Variants in ANXA11 observed in about 807,000 individuals in gnomAD.
ANXA11 encodes 56 kDa autoantigen.
ANXA11 carries 57 observed loss-of-function variants against 64.7 expected under a neutral mutation model. The observed-to-expected ratio is 0.88, with a 90% CI of 0.71 to 1.10. The LOEUF (loss-of-function observed/expected upper bound fraction) is 1.10, where lower values mean the gene tolerates loss of function less well. Ranked by LOEUF, ANXA11 falls within the 50% of genes least tolerant of loss-of-function variation. The pLI, the probability that ANXA11 is intolerant of heterozygous loss-of-function variation, is 0.00. For synonymous variants in ANXA11, 260 were observed against 265.2 expected (o/e 0.98, Z 0.19); for missense variants, 675 against 670.7 (o/e 1.01, Z -0.07).
intron 1 of ANXA11, chr10:80,204,863 G>C (rs1840601205): frequency 6.6e-6 from 1 of 152,244 alleles, no homozygotes; most frequent in Non-Finnish European, 1.5e-5. Context: ...AGGAATGTGC[G>C]TGCTCCCAGT....
chr10:80,187,161 G>C (rs1846572749), intron 1 of ANXA11, among the ~76,000 whole-genome samples: 1 of 152,226 alleles, frequency 6.6e-6, no homozygotes, highest in African/African-American at 2.4e-5. Flanking sequence ...ACCTGCTATA[G>C]TTTGAATACT....
intron 1 of ANXA11, among the ~76,000 whole-genome samples, chr10:80,198,660 C>G (rs1349805044): frequency 6.6e-6 from 1 of 152,156 alleles, no homozygotes; most frequent in African/African-American, 2.4e-5. Context: ...CTAGGGACAA[C>G]AGTCCATAAG....
At chr10:80,167,427 T>C (rs1845791952) in intron 5 of ANXA11, 114 bp from the exon 6 acceptor site, 1 of 873,254 alleles carries the variant, frequency 1.1e-6, no homozygotes. Flanking sequence ...TTGGAGTATC[T>C]AAAGGAGTCC....
At chr10:80,186,571 G>A (rs940025950) in intron 1 of ANXA11, among the ~76,000 whole-genome samples, 18 of 152,150 alleles carry the variant, frequency 1.2e-4, no homozygotes, top group African/African-American at 4.1e-4. Context: ...AAAGACCCTC[G>A]GAGAGTAAAC....
At chr10:80,167,411 T>A in intron 5 of ANXA11, 98 bp from the exon 6 acceptor site, 1 of 1,091,402 alleles carries the variant, frequency 9.2e-7, no homozygotes, top group Admixed American at 1.9e-5. Flanking sequence ...GCCCTTTCTC[T>A]AAGAGTTGGA....
chr10:80,184,569 T>C (rs906766509), intron 1 of ANXA11, among the ~76,000 whole-genome samples: 2 of 151,804 alleles, frequency 1.3e-5, no homozygotes, highest in African/African-American at 4.9e-5. Flanking sequence ...TTTATATAAC[T>C]AATACGAGAG....
intron 4 of ANXA11, among the ~76,000 whole-genome samples, chr10:80,170,132 G>A (rs1171937785): frequency 3.3e-5 from 5 of 152,042 alleles, no homozygotes; most frequent in Admixed American, 3.3e-4. Context: ...ACATCACATC[G>A]TTGACTTAAG....
chr10:80,205,620 T>A (rs1432077197), upstream of ANXA11: 1 of 151,904 alleles, frequency 6.6e-6, no homozygotes, highest in East Asian at 2.0e-4. Context: ...AGATGAGGAC[T>A]GGGCACGGCG....
upstream of ANXA11, chr10:80,205,570 T>C (rs1017956868): frequency 1.3e-5 from 2 of 151,838 alleles, no homozygotes; most frequent in African/African-American, 2.4e-5. Flanking sequence ...CCAGAGGCAG[T>C]GCAAGGGAGG....
rs1246222259 is a variant in ANXA11 at position 80,168,987 on chromosome 10, G to A, written c.543C>T (p.Pro181=). The change falls in exon 5 of 16, where the codon CCC becomes CCT. Residue 181 remains proline (P), a synonymous_variant. Coordinates refer to ENST00000422982, the MANE Select transcript of ANXA11 (RefSeq NM_145868.2). ...CACTCACCTGGGTTGGGGGCACAGC[G>A]GGGGTGACAGTCCCAGACCCCGGGT... ...PGYPGSGTVT[P]AVPPTQFGSR... 1.2e-5 allele frequency: 19 copies of A among 1,535,734 alleles called. No homozygotes were observed. The highest frequency in any genetic ancestry group is 2.6e-5 in the South Asian group (2 of 76,756).
At position 80,169,207 on chromosome 10, in the gene ANXA11, GGT is replaced by G; in HGVS notation, c.321_322del (p.Pro109ArgfsTer87). ...CCTGGAGGGTGGGTTTCCTCCTGGG[GGT>G]GGATACATCCCATAGGGAGGAACAG... On this transcript the variant is annotated frameshift_variant, in exon 5 of 16. Coordinates refer to ENST00000422982, the MANE Select transcript of ANXA11 (RefSeq NM_145868.2). LOFTEE classifies it high-confidence loss of function. 1 of 1,609,918 alleles carries G rather than the reference GGT, an allele frequency of 6.2e-7. No individual in the cohort carries two copies. The highest frequency in any genetic ancestry group is 8.5e-7 in the Non-Finnish European group (1 of 1,178,552).
intron 2 of ANXA11, among the ~76,000 whole-genome samples, chr10:80,173,627 C>A (rs1846061548): frequency 1.3e-5 from 2 of 152,172 alleles, no homozygotes; most frequent in South Asian, 4.1e-4. Flanking sequence ...ATGTCCCCTG[C>A]CAGTTAAATT....
intron 1 of ANXA11, among the ~76,000 whole-genome samples, chr10:80,179,661 T>A (rs142775254): frequency 2.0e-5 from 3 of 152,156 alleles, no homozygotes. Flanking sequence ...TCCTTATCTA[T>A]AAGGAACATC....
intron 1 of ANXA11, among the ~76,000 whole-genome samples, chr10:80,186,690 G>A (rs1846553263): frequency 6.6e-6 from 1 of 151,476 alleles, no homozygotes; most frequent in African/African-American, 2.4e-5. Flanking sequence ...TGGCATGGAT[G>A]GGGCCATCTT....
At chr10:80,171,005 G>C (rs1845951971) in intron 3 of ANXA11, 90 bp from the exon 4 acceptor site, 1 of 1,518,656 alleles carries the variant, frequency 6.6e-7, no homozygotes, top group East Asian at 2.6e-5. Context: ...GGTCAGAAAG[G>C]GAGGCCCAGT....
At chr10:80,177,036 G>A (rs976299205) in intron 1 of ANXA11, among the ~76,000 whole-genome samples, 2 of 147,630 alleles carry the variant, frequency 1.4e-5, no homozygotes, top group African/African-American at 5.1e-5. Flanking sequence ...CTGCAGTGCA[G>A]TGGCGCAATC....
chr10:80,171,718 T>G, intron 3 of ANXA11: 1 of 985,470 alleles, frequency 1.0e-6, no homozygotes. Flanking sequence ...GCTCTTCATC[T>G]CCAGGGCTCC....
At chr10:80,200,168 C>A (rs1192951511) in intron 1 of ANXA11, among the ~76,000 whole-genome samples, 1 of 152,140 alleles carries the variant, frequency 6.6e-6, no homozygotes, top group Non-Finnish European at 1.5e-5. Context: ...ATCATGGGAA[C>A]CATTAGGACA....
chr10:80,170,205 A>G (rs747589184), intron 4 of ANXA11, among the ~76,000 whole-genome samples: 4 of 152,026 alleles, frequency 2.6e-5, no homozygotes, highest in Non-Finnish European at 4.4e-5. Flanking sequence ...TGTTTGTTTT[A>G]TTCACATATC....
Sources: allele counts gnomAD v4.1 joint callset (sites outside exome capture counted in the v4.1 genomes callset), GRCh38; gene constraint gnomAD v4.1.1; transcripts MANE v1.5; gene names NCBI Gene and HGNC (gene_info 2026-07-23, HGNC 2026-07-21).